Variants in GALK2 observed in about 807,000 individuals in gnomAD.
The protein encoded by GALK2 is galactokinase 2.
A neutral mutation model predicts 52.4 loss-of-function variants in GALK2; 36 were observed. The ratio of observed to expected loss-of-function variants is 0.69; its 90% CI spans 0.53 to 0.91. The LOEUF (loss-of-function observed/expected upper bound fraction) is 0.91. GALK2 is among the 40% of genes least tolerant of loss of function. The pLI, the probability that GALK2 is intolerant of heterozygous loss-of-function variation, is 0.00. For synonymous variants in GALK2, 176 were observed against 199.1 expected (o/e 0.88, Z 0.98); for missense variants, 579 against 559.1 (o/e 1.04, Z -0.36).
chr15:49,207,375 C>T (rs187584880), intron 2 of GALK2, among the ~76,000 whole-genome samples: 68 of 152,094 alleles, frequency 4.5e-4, no homozygotes, highest in South Asian at 1.5e-3. Flanking sequence ...AAAATGAATT[C>T]GGAAAGGTTC....
intron 3 of GALK2, chr15:49,366,606 C>T: frequency 6.2e-7 from 1 of 1,600,416 alleles, no homozygotes. Context: ...AAGATTGCTT[C>T]CTGAGCGGCT....
At chr15:49,216,809 C>G (rs962182074) in intron 2 of GALK2, among the ~76,000 whole-genome samples, 20 of 152,112 alleles carry the variant, frequency 1.3e-4, no homozygotes, top group Non-Finnish European at 2.9e-5. Context: ...GTGCAAAGAC[C>G]CACACTCACT....
chr15:49,350,928 G>C (rs929431056), intron 3 of GALK2, among the ~76,000 whole-genome samples: 8 of 152,170 alleles, frequency 5.3e-5, no homozygotes, highest in African/African-American at 1.9e-4. Context: ...TTCCCCGTGT[G>C]CATCACATTC....
At chr15:49,210,077 A>G (rs2088695869) in intron 2 of GALK2, among the ~76,000 whole-genome samples, 1 of 152,184 alleles carries the variant, frequency 6.6e-6, no homozygotes, top group Non-Finnish European at 1.5e-5. Flanking sequence ...TTATGTGTCC[A>G]GGAACTTATG....
rs1204015759 is a variant in GALK2, at chr15:49,292,468, A to G, written c.898A>G (p.Ile300Val). The G allele has an allele frequency of 6.2e-7, 1 of 1,614,046 alleles. No homozygotes were observed. The highest frequency in any genetic ancestry group is 8.5e-7 in the Non-Finnish European group (1 of 1,179,982). The change falls in exon 8 of 10, where the codon ATC becomes GTC. Residue 300 changes from isoleucine to valine, a missense_variant. Transcript: ENST00000560031. Reference protein sequence around the residue: ...LHPEPYNPEEICRCLGISLEE... With the variant: ...LHPEPYNPEEVCRCLGISLEE... ...TCCTGAACCCTATAACCCTGAGGAG[A>G]TCTGCAGGTGTCTGGGAATTAGCCT... is the stretch of plus-strand genomic sequence containing the variant.
chr15:49,274,751 A>T (rs2031364989), intron 5 of GALK2, among the ~76,000 whole-genome samples: 2 of 152,122 alleles, frequency 1.3e-5, no homozygotes, highest in African/African-American at 2.4e-5. Flanking sequence ...TTCTATTTTT[A>T]AAATTTTTTA....
At chr15:49,195,111 T>C (rs1446869127) in intron 1 of GALK2, 1 of 453,054 alleles carries the variant, frequency 2.2e-6, no homozygotes, top group South Asian at 1.6e-5. Flanking sequence ...TCACCTGTGC[T>C]GGAGGCTAGA....
chr15:49,219,727 C>A (rs189055198), intron 3 of GALK2, among the ~76,000 whole-genome samples: 2 of 152,276 alleles, frequency 1.3e-5, no homozygotes, highest in Non-Finnish European at 2.9e-5. Context: ...AGGAGAATCA[C>A]TTGAACCTCG....
At chr15:49,202,077 C>T (rs2087827336) in intron 2 of GALK2, among the ~76,000 whole-genome samples, 1 of 152,158 alleles carries the variant, frequency 6.6e-6, no homozygotes, top group Non-Finnish European at 1.5e-5. Flanking sequence ...AGTCTCGGCT[C>T]ACTGCAACCT....
At chr15:49,202,585 T>A (rs147515350) in intron 2 of GALK2, among the ~76,000 whole-genome samples, 1 of 152,338 alleles carries the variant, frequency 6.6e-6, no homozygotes, top group Non-Finnish European at 1.5e-5. Context: ...CACCACATTT[T>A]AAAAATCCAT....
downstream of GALK2, chr15:49,335,461 T>C: frequency 1.2e-6 from 2 of 1,613,700 alleles, no homozygotes; most frequent in Non-Finnish European, 1.7e-6. Context: ...TCTTTTTGCC[T>C]CCTTTATAAC....
intron 2 of GALK2, among the ~76,000 whole-genome samples, chr15:49,206,185 T>A (rs1250588833): frequency 6.6e-6 from 1 of 152,070 alleles, no homozygotes; most frequent in Non-Finnish European, 1.5e-5. Flanking sequence ...CAGATTTGTT[T>A]CTTTTTGCTT....
chr15:49,357,609 C>T (rs2043395137), intron 3 of GALK2, among the ~76,000 whole-genome samples: 1 of 150,202 alleles, frequency 6.7e-6, no homozygotes, highest in South Asian at 2.1e-4. Context: ...GCTTACCAAC[C>T]AAAAAGAGTC....
intron 3 of GALK2, among the ~76,000 whole-genome samples, chr15:49,346,542 T>C (rs1417829818): frequency 6.6e-6 from 1 of 152,124 alleles, no homozygotes; most frequent in Non-Finnish European, 1.5e-5. Flanking sequence ...TTTTCTCTTT[T>C]GCAAAACCTG....
chr15:49,322,623 T>C, intron 9 of GALK2, among the ~76,000 whole-genome samples: 1 of 152,176 alleles, frequency 6.6e-6, no homozygotes. Context: ...GGTATCTTTG[T>C]ACCGTGTGAA....
At chr15:49,289,187 G>A (rs561070727) in intron 7 of GALK2, among the ~76,000 whole-genome samples, 110 of 152,288 alleles carry the variant, frequency 7.2e-4, no homozygotes, top group African/African-American at 2.3e-3. Context: ...GGAGCCATGT[G>A]TGCCTTACTC....
intron 1 of GALK2, among the ~76,000 whole-genome samples, chr15:49,197,784 C>A (rs1417700742): frequency 2.0e-5 from 3 of 151,968 alleles, no homozygotes; most frequent in African/African-American, 7.2e-5. Flanking sequence ...AGATATTTTT[C>A]TTTTCTCCTT....
chr15:49,245,276 A>G (rs1224464394), intron 5 of GALK2, among the ~76,000 whole-genome samples: 1 of 152,222 alleles, frequency 6.6e-6, no homozygotes, highest in Admixed American at 6.5e-5. Flanking sequence ...AGCAAAAGCA[A>G]AGAGCCAAAA....
At chr15:49,352,093 C>A (rs1215221404) in intron 3 of GALK2, among the ~76,000 whole-genome samples, 1 of 152,146 alleles carries the variant, frequency 6.6e-6, no homozygotes, top group East Asian at 1.9e-4. Context: ...CTGATACTTG[C>A]TGTGGCTCAT....
Sources: gnomAD v4.1 joint callset for allele counts (sites outside exome capture counted in the v4.1 genomes callset) on GRCh38, gnomAD v4.1.1 for gene constraint, MANE v1.5 for transcripts, NCBI Gene and HGNC (gene_info 2026-07-23, HGNC 2026-07-21) for gene names.